Variants in RASGRF1 observed in about 807,000 individuals in gnomAD.
RASGRF1 encodes the protein Ras protein specific guanine nucleotide releasing factor 1.
RASGRF1 carries 40 observed loss-of-function variants against 138.7 expected under a neutral mutation model. The ratio of observed to expected loss-of-function variants is 0.29; its 90% CI spans 0.22 to 0.38. The LOEUF (loss-of-function observed/expected upper bound fraction) is 0.38, where lower values mean the gene tolerates loss of function less well. RASGRF1 is among the 10% of genes least tolerant of loss of function. The pLI is 1.00. For synonymous variants in RASGRF1, 614 were observed against 663.2 expected (o/e 0.93, Z 1.14); for missense variants, 1,108 against 1,650.4 (o/e 0.67, Z 5.69).
In RASGRF1 at chr15:79,035,112, G is replaced by A. The variant is rs772704313; in HGVS notation, c.958+19C>T. 7 of 1,602,474 alleles carry A rather than the reference G, an allele frequency of 4.4e-6. No homozygotes were observed. Among genetic ancestry groups the A allele is most frequent in the Non-Finnish European group, 6.0e-6 (7 of 1,171,378 alleles). On this transcript the variant is annotated intron_variant, in intron 6 of 26. Transcript: ENST00000558480. ...GAGGGGGACTTCTCTGGGGGCCGCA[G>A]TGAGGGCTGACTACTCACCCAGGAC...
chr15:78,964,541 T>C (rs1244911775), intron 26 of RASGRF1, among the ~76,000 whole-genome samples: 1 of 152,180 alleles, frequency 6.6e-6, no homozygotes, highest in African/African-American at 2.4e-5. Context: ...AAGAAAACCC[T>C]GAAATTTTCT....
intron 1 of RASGRF1, among the ~76,000 whole-genome samples, chr15:79,064,944 G>A (rs1208930383): frequency 4.6e-5 from 7 of 152,184 alleles, no homozygotes; most frequent in Admixed American, 4.6e-4. Flanking sequence ...TAGGTCCTGG[G>A]GTTAGAGCGA....
chr15:79,038,085 T>C (rs2057246906), intron 5 of RASGRF1, among the ~76,000 whole-genome samples: 1 of 152,198 alleles, frequency 6.6e-6, no homozygotes, highest in Admixed American at 6.5e-5. Flanking sequence ...GCTCATCCAC[T>C]GCTCACCTCC....
chr15:79,031,322 T>G, intron 8 of RASGRF1, 78 bp downstream of exon 8: 1 of 1,111,340 alleles, frequency 9.0e-7, no homozygotes, highest in Non-Finnish European at 1.3e-6. Context: ...TTGTCAGGGG[T>G]TCAGCGAACT....
In RASGRF1 at chr15:79,032,207, G is replaced by A. The variant is rs754567427; in HGVS notation, c.1068C>T (p.Phe356=). The change falls in exon 7 of 27, where the codon TTC becomes TTT. Residue 356 remains phenylalanine (F), a synonymous_variant. Transcript: ENST00000558480. The surrounding 1 kb of genome is among the most constrained non-coding windows in gnomAD (Gnocchi z 4.5). Reference sequence around the variant, plus strand: ...CCTCGTAGTGCTTCAGCAGCTTGTCGAAGTCACGGTTCTGCTTGCAGTGGG... The same window carrying A: ...CCTCGTAGTGCTTCAGCAGCTTGTCAAAGTCACGGTTCTGCTTGCAGTGGG... ...ILAHCKQNRD[F]DKLLKHYEAK... 5.0e-6 allele frequency: 8 copies of A among 1,613,934 alleles called. No homozygotes were observed. The highest frequency in any genetic ancestry group is 2.2e-5 in the East Asian group (1 of 44,896).
At position 79,031,344 on chromosome 15, in the gene RASGRF1, G is replaced by T; in HGVS notation, c.1262+56C>A. The T allele has an allele frequency of 4.4e-6, 6 of 1,358,398 alleles. No homozygotes were observed. The South Asian group carries it at 7.9e-5, about 18-fold the overall frequency. The allele number at this position is 1,358,398 out of a possible 1,614,324, so 84.1% of individuals were successfully genotyped here. ...GGGTTCAGCGAACTCCTGGTGAGGGGCACCCTCAGCCCTGCCCTGTCTGCC... is the reference window on the plus strand; with the variant it reads ...GGGTTCAGCGAACTCCTGGTGAGGGTCACCCTCAGCCCTGCCCTGTCTGCC... On this transcript the variant is annotated intron_variant, in intron 8 of 26. Coordinates refer to ENST00000558480, the MANE Select transcript of RASGRF1 (RefSeq NM_001145648.3).
intron 3 of RASGRF1, 73 bp downstream of exon 3, chr15:79,058,261 C>G: frequency 6.4e-7 from 1 of 1,554,198 alleles, no homozygotes; most frequent in Non-Finnish European, 8.7e-7. Flanking sequence ...CATGTGGCTC[C>G]CCAATCCTGC....
intron 17 of RASGRF1, 60 bp from the exon 18 acceptor site, chr15:78,998,885 C>G: frequency 7.2e-7 from 1 of 1,396,180 alleles, no homozygotes; most frequent in Admixed American, 1.7e-5. Context: ...CAGAGCTTGA[C>G]ACTAGTCTGG....
chr15:79,061,429 T>TATATATCA (rs2057604943), intron 2 of RASGRF1, among the ~76,000 whole-genome samples: 1 of 147,446 alleles, frequency 6.8e-6, no homozygotes, highest in Non-Finnish European at 1.5e-5. Flanking sequence ...TATATATATA[T>TATATATCA]ATCATTCATT....
intron 13 of RASGRF1, among the ~76,000 whole-genome samples, chr15:79,007,254 C>T (rs1033438744): frequency 5.9e-5 from 9 of 152,182 alleles, no homozygotes; most frequent in Non-Finnish European, 1.2e-4. Flanking sequence ...GGTCAGCAGC[C>T]TCTACAGGGC....
chr15:78,973,857 A>G lies in RASGRF1; in HGVS notation c.3495-437T>C, dbSNP rs1347420165. Among the ~76,000 whole-genome samples, 8 of 150,826 alleles carry G rather than the reference A, an allele frequency of 5.3e-5. No individual in the cohort carries two copies. The highest frequency in any genetic ancestry group is 1.0e-4 in the Non-Finnish European group (7 of 67,642). ...AGGGCTCTGCAGCCCCAGCCCCCCA[A>G]CTCCTGCCAGTCACCCTATCTGACA... On this transcript the variant is annotated intron_variant, in intron 24 of 26. Transcript: ENST00000558480. The surrounding 1 kb of genome is among the most constrained non-coding windows in gnomAD (Gnocchi z 4.9).
intron 23 of RASGRF1, among the ~76,000 whole-genome samples, chr15:78,983,868 C>G (rs1320771910): frequency 6.6e-6 from 1 of 152,230 alleles, no homozygotes; most frequent in African/African-American, 2.4e-5. Context: ...CCTGGCATCT[C>G]TGTGTGCCAA....
intron 19 of RASGRF1, chr15:78,997,802 A>G: frequency 2.4e-6 from 1 of 409,300 alleles, no homozygotes; most frequent in Non-Finnish European, 4.4e-6. Flanking sequence ...TGGATGGCAC[A>G]GGCTAGACAG....
rs984901902 is a variant in RASGRF1 at position 79,035,077 on chromosome 15, G to A, written c.958+54C>T. The A allele has an allele frequency of 2.7e-6, 4 of 1,473,632 alleles. No individual in the cohort carries two copies. The African/African-American group carries it at 5.6e-5, about 21-fold the overall frequency. The allele number at this position is 1,473,632 out of a possible 1,614,324, so 91.3% of individuals were successfully genotyped here. On this transcript the variant is annotated intron_variant, in intron 6 of 26. Coordinates refer to ENST00000558480, the MANE Select transcript of RASGRF1 (RefSeq NM_001145648.3). ...GACAAAACTGCCCCAGGCTTTTGGG[G>A]TGGCCCCTGGAGGGGGACTTCTCTG...
At chr15:79,068,674 TGA>T (rs2057714351) in intron 1 of RASGRF1, among the ~76,000 whole-genome samples, 1 of 151,826 alleles carries the variant, frequency 6.6e-6, no homozygotes, top group Non-Finnish European at 1.5e-5. Flanking sequence ...AGAATGTGAA[TGA>T]GAGTGTGGAT....
At chr15:79,052,216 G>T (rs568577075) in intron 3 of RASGRF1, among the ~76,000 whole-genome samples, 1 of 152,026 alleles carries the variant, frequency 6.6e-6, no homozygotes, top group South Asian at 2.1e-4. Context: ...CTTTGGGCAC[G>T]GTGCAATGGC....
chr15:79,004,188 C>G lies in RASGRF1; in HGVS notation c.2076-13G>C, dbSNP rs770393348. The G allele has an allele frequency of 1.9e-6, 3 of 1,548,114 alleles. No individual in the cohort carries two copies. Among genetic ancestry groups the G allele is most frequent in the South Asian group, 2.4e-5 (2 of 82,162 alleles). ...GAGCTCCAGCGACCTGTGGGGAGGGCGGGGGTGAAAATGACAGTTAGCGTA... is the reference window on the plus strand; with the variant it reads ...GAGCTCCAGCGACCTGTGGGGAGGGGGGGGGTGAAAATGACAGTTAGCGTA... On this transcript the variant is annotated splice_polypyrimidine_tract_variant and intron_variant, in intron 14 of 26. Transcript: ENST00000558480.
chr15:78,964,631 T>C (rs2055608433), intron 26 of RASGRF1, among the ~76,000 whole-genome samples: 1 of 152,256 alleles, frequency 6.6e-6, no homozygotes, highest in South Asian at 2.1e-4. Context: ...ACATGGCAAC[T>C]CTGTGGTTCT....
At chr15:78,963,226 C>T (rs2055581645) in intron 26 of RASGRF1, among the ~76,000 whole-genome samples, 2 of 152,174 alleles carry the variant, frequency 1.3e-5, no homozygotes, top group Admixed American at 1.3e-4. Context: ...CTTTCCAAGA[C>T]TTATTTACTT....
Sources: allele counts gnomAD v4.1 joint callset (sites outside exome capture counted in the v4.1 genomes callset), GRCh38; gene constraint gnomAD v4.1.1; non-coding constraint Gnocchi (gnomAD v3.1); transcripts MANE v1.5; gene names NCBI Gene and HGNC (gene_info 2026-07-23, HGNC 2026-07-21).